The following PTCH1 variants were observed in gnomAD, a reference collection of about 807,000 sequenced individuals.
The protein encoded by PTCH1 is patched 1, also known as protein patched homolog 1.
A neutral mutation model predicts 144.6 loss-of-function variants in PTCH1; 14 were observed. The ratio of observed to expected loss-of-function variants is 0.10; its 90% CI spans 0.06 to 0.15. The LOEUF is 0.15. PTCH1 is among the 10% of genes least tolerant of loss of function. The pLI is 1.00. For missense variants in PTCH1, 1,623 were observed against 1,948.3 expected, an observed-to-expected ratio of 0.83 and a Z score of 3.14; for synonymous variants, 833 against 793.6, an observed-to-expected ratio of 1.05 and a Z score of -0.83.
intron 15 of PTCH1, among the ~76,000 whole-genome samples, chr9:95,464,982 C>T (rs181483296): frequency 1.5e-3 from 231 of 152,194 alleles, no homozygotes; most frequent in African/African-American, 5.2e-3. Flanking sequence ...GTCATGGAGT[C>T]CCAGGGCTGC....
chr9:95,493,821 G>A (rs1316105044), intron 2 of PTCH1, among the ~76,000 whole-genome samples: 1 of 151,896 alleles, frequency 6.6e-6, no homozygotes, highest in Admixed American at 6.6e-5. Context: ...AGAAAATTCA[G>A]TAATGTGAGC....
intron 2 of PTCH1, among the ~76,000 whole-genome samples, chr9:95,503,664 C>G (rs1843306642): frequency 6.6e-6 from 1 of 152,098 alleles, no homozygotes; most frequent in Admixed American, 6.5e-5. Context: ...CCATAGTTTC[C>G]CATCTGTAAA....
At chr9:95,470,174 A>G (rs1314135827) in intron 12 of PTCH1, among the ~76,000 whole-genome samples, 1 of 152,224 alleles carries the variant, frequency 6.6e-6, no homozygotes, top group Non-Finnish European at 1.5e-5. Context: ...TAAGGCACAA[A>G]CCTGGGAACT....
intron 2 of PTCH1, 156 bp downstream of exon 2, chr9:95,506,251 T>A (rs868675471): frequency 1.0e-5 from 9 of 863,296 alleles, no homozygotes; most frequent in Middle Eastern, 3.8e-4. Context: ...CGGGCCTGGC[T>A]CCCGGCCAGG....
chr9:95,497,304 G>A (rs1002947690), intron 2 of PTCH1, among the ~76,000 whole-genome samples: 1 of 152,218 alleles, frequency 6.6e-6, no homozygotes, highest in African/African-American at 2.4e-5. Context: ...CGTACGACAC[G>A]TTATACCGGA....
Position 95,485,738 on chromosome 9 carries a change from T to A in PTCH1, c.531A>T (p.Gln177His), listed in dbSNP as rs1841912540. The A allele has an allele frequency of 5.6e-6, 9 of 1,614,164 alleles. No individual in the cohort carries two copies. The highest frequency in any genetic ancestry group is 6.8e-6 in the Non-Finnish European group (8 of 1,180,032). ...TGGCCTGGAGTGCCGAGTCCAGGTG[T>A]TGTAGGAGCGCTTCTGTGGTCAGGA... ...ANVLTTEALL[Q>H]HLDSALQASR... The change falls in exon 3 of 24, where the codon CAA (glutamine) becomes CAT (histidine). Residue 177 changes from glutamine to histidine, a missense_variant. Coordinates refer to ENST00000331920, the MANE Select transcript of PTCH1 (RefSeq NM_000264.5).
At chr9:95,475,993 C>T (rs2118245666) in intron 12 of PTCH1, 41 bp downstream of exon 12, 4 of 1,612,052 alleles carry the variant, frequency 2.5e-6, no homozygotes, top group Non-Finnish European at 3.4e-6. Flanking sequence ...AAGTCAGTGC[C>T]CCGTTCAGGA....
chr9:95,493,470 T>G (rs569617701), intron 2 of PTCH1, among the ~76,000 whole-genome samples: 1 of 152,312 alleles, frequency 6.6e-6, no homozygotes, highest in South Asian at 2.1e-4. Flanking sequence ...TACAGAGCCT[T>G]GGGAACAGGC....
chr9:95,450,074 C>G (rs879694203), intron 20 of PTCH1, 134 bp from the exon 21 acceptor site: 38 of 798,588 alleles, frequency 4.8e-5, no homozygotes, highest in South Asian at 1.9e-4. Context: ...TGTTATCCAA[C>G]CGCAGTTCAC....
chr9:95,508,371 G>GCCA lies in PTCH1; in HGVS notation c.-11_-10insTGG. Reference sequence around the variant, plus strand: ...TACCAGCCGAGGCCATGTTGCCGCCGCCGCCGCCGCCGCCGCGGGGACGGA... The same window carrying GCCA: ...TACCAGCCGAGGCCATGTTGCCGCCGCCACCGCCGCCGCCGCCGCGGGGACGGA... On this transcript the variant is annotated 5_prime_UTR_variant, in exon 1 of 24. Coordinates refer to ENST00000331920, the MANE Select transcript of PTCH1 (RefSeq NM_000264.5). 2.6e-6 allele frequency: 3 copies of GCCA among 1,145,686 alleles called. No homozygotes were observed. Among genetic ancestry groups the GCCA allele is most frequent in the Non-Finnish European group, 3.2e-6 (3 of 933,040 alleles). 71.0% of individuals were successfully genotyped at this position (1,145,686 alleles called of 1,614,324 possible). A position where few individuals can be genotyped will look rare whatever the true frequency, so the allele number is the denominator to read the frequency against.
intron 16 of PTCH1, among the ~76,000 whole-genome samples, chr9:95,460,672 T>C (rs1483095010): frequency 6.6e-6 from 1 of 152,160 alleles, no homozygotes; most frequent in Non-Finnish European, 1.5e-5. Context: ...ATGTAACAAC[T>C]GCATGTCCTC....
intron 1 of PTCH1, chr9:95,514,647 T>TGTGTGTGTGTGTGTGTGTGTGAGAGA (rs56689083): frequency 6.7e-6 from 1 of 148,802 alleles, no homozygotes; most frequent in African/African-American, 2.5e-5. Context: ...TGTGTGTGTG[T>TGTGTGTGTGTGTGTGTGTGTGAGAGA]GAGAGAGAGA....
intron 1 of PTCH1, chr9:95,514,594 CTG>C (rs1844283128): frequency 3.3e-5 from 5 of 151,846 alleles, no homozygotes; most frequent in Admixed American, 3.3e-4. Context: ...GCATTATACA[CTG>C]TGGCAGAGGC....
At position 95,444,993 on chromosome 9, in the gene PTCH1, G is replaced by C. The variant is rs1414251146; in HGVS notation, c.*1400C>G. The C allele has an allele frequency of 2.0e-5, 3 of 152,204 alleles. No homozygotes were observed. Among genetic ancestry groups the C allele is most frequent in the African/African-American group, 7.2e-5 (3 of 41,448 alleles). The allele number at this position is 152,204 out of a possible 1,614,324, so 9.4% of individuals were successfully genotyped here. On this transcript the variant is annotated 3_prime_UTR_variant, in exon 24 of 24. Transcript: ENST00000331920. ...CACATTGAAAGAGCACTAATGACGG[G>C]GAGGATGGAGACAATGTTTGGATTT...
chr9:95,449,073 G>A lies in PTCH1; in HGVS notation c.3800C>T (p.Ser1267Phe), dbSNP rs2136596504. ...EATENPVFAH[S>F]TVVHPESRHH... ...TGGTTCTGCAGAGTCACTTACAGTGGAGTGGGCGAAGACGGGGTTTTCTGT... is the reference window on the plus strand; with the variant it reads ...TGGTTCTGCAGAGTCACTTACAGTGAAGTGGGCGAAGACGGGGTTTTCTGT... Residue 1267 changes from serine to phenylalanine, a missense_variant, in exon 22 of 24, where the codon TCC (serine) becomes TTC (phenylalanine). Transcript: ENST00000331920. This position sits in a 1 kb window ranked among gnomAD's most constrained non-coding sequence, Gnocchi z 5.3. The A allele has an allele frequency of 6.2e-7, 1 of 1,614,242 alleles. No individual in the cohort carries two copies. Among genetic ancestry groups the A allele is most frequent in the Non-Finnish European group, 8.5e-7 (1 of 1,180,046 alleles).
Position 95,455,462 on chromosome 9 carries a change from C to T in PTCH1, c.3306+814G>A, listed in dbSNP as rs79867865. 5.0e-3 allele frequency among the ~76,000 whole-genome samples: 763 copies of T among 152,292 alleles called. 9 individuals carry two copies. Among genetic ancestry groups the T allele is most frequent in the African/African-American group, 0.017 (721 of 41,558 alleles). On this transcript the variant is annotated intron_variant, in intron 19 of 23. Transcript: ENST00000331920. ...GTGAACGCATTTACTTATTGAATGC[C>T]TACTGATAACCCCAAGTTCTTAGGC... is the stretch of plus-strand genomic sequence containing the variant.
chr9:95,513,416 G>A (rs1189700953), upstream of PTCH1, among the ~76,000 whole-genome samples: 1 of 152,214 alleles, frequency 6.6e-6, no homozygotes, highest in Non-Finnish European at 1.5e-5. Context: ...ATGATTTTAA[G>A]TCCTACAGTA....
intron 20 of PTCH1, chr9:95,450,776 G>C (rs924209712): frequency 1.3e-5 from 2 of 152,408 alleles, no homozygotes; most frequent in African/African-American, 4.8e-5. Flanking sequence ...CATGGCAGAG[G>C]AGGAGAGTGC....
chr9:95,504,173 C>T (rs1044928193), intron 2 of PTCH1, among the ~76,000 whole-genome samples: 7 of 148,594 alleles, frequency 4.7e-5, no homozygotes, highest in Non-Finnish European at 8.9e-5. Context: ...GAGTAAATAA[C>T]ATTTGGCCCA....
Sources: gnomAD v4.1 joint callset for allele counts (sites outside exome capture counted in the v4.1 genomes callset) on GRCh38, gnomAD v4.1.1 for gene constraint, Gnocchi (gnomAD v3.1) non-coding constraint, MANE v1.5 for transcripts, NCBI Gene and HGNC (gene_info 2026-07-23, HGNC 2026-07-21) for gene names.